The following FBXO31 variants were observed in gnomAD, a reference collection of about 807,000 sequenced individuals.
The protein encoded by FBXO31 is F-box only protein 31.
FBXO31 carries 24 observed loss-of-function variants against 54.4 expected under a neutral mutation model. The observed-to-expected ratio is 0.44, with a 90% CI of 0.32 to 0.62. The LOEUF (loss-of-function observed/expected upper bound fraction) is 0.62, where lower values mean the gene tolerates loss of function less well. Ranked by LOEUF, FBXO31 falls within the 20% of genes least tolerant of loss-of-function variation. The pLI is 0.05. For synonymous variants in FBXO31, 388 were observed against 335.6 expected, an observed-to-expected ratio of 1.16 and a Z score of -1.71; for missense variants, 665 against 787.1, an observed-to-expected ratio of 0.84 and a Z score of 1.86.
intron 2 of FBXO31, among the ~76,000 whole-genome samples, chr16:87,355,641 C>CA (rs1186087358): frequency 6.6e-6 from 1 of 152,186 alleles, no homozygotes; most frequent in Non-Finnish European, 1.5e-5. Flanking sequence ...TCAGCATGAA[C>CA]AACAGTATGT....
chr16:87,360,945 C>A (rs1214183002), intron 1 of FBXO31, among the ~76,000 whole-genome samples: 1 of 152,244 alleles, frequency 6.6e-6, no homozygotes, highest in Non-Finnish European at 1.5e-5. Context: ...TCCTCACACC[C>A]TCACCTGCTG....
At chr16:87,360,194 CAA>C (rs1906071992) in intron 2 of FBXO31, 99 bp downstream of exon 2, 24 of 1,152,172 alleles carry the variant, frequency 2.1e-5, no homozygotes, top group African/African-American at 3.0e-5. Flanking sequence ...TCTGAGAAAA[CAA>C]AAGTGTGGAC....
At chr16:87,361,029 C>A (rs376572462) in intron 1 of FBXO31, among the ~76,000 whole-genome samples, 3 of 152,330 alleles carry the variant, frequency 2.0e-5, no homozygotes, top group East Asian at 3.9e-4. Flanking sequence ...ACACCCAGCA[C>A]GTCCCAAGCA....
In FBXO31 at chr16:87,327,461, C is replaced by G. The variant is rs1349902680; in HGVS notation, c.*3827G>C. 6.6e-6 allele frequency: 1 copy of G among 152,422 alleles called. No homozygotes were observed. The highest frequency in any genetic ancestry group is 1.9e-4 in the East Asian group (1 of 5,194). The allele number at this position is 152,422 out of a possible 1,614,324, so 9.4% of individuals were successfully genotyped here. A position where few individuals can be genotyped will look rare whatever the true frequency, so the allele number is the denominator to read the frequency against. On this transcript the variant is annotated 3_prime_UTR_variant, in exon 9 of 9. Coordinates refer to ENST00000311635, the MANE Select transcript of FBXO31 (RefSeq NM_024735.5). Reference sequence around the variant, plus strand: ...TCACCTGAGATCGGGAGTTCGAGACCAACCTGAGCAACATGGCAAAACTCC... The same window carrying G: ...TCACCTGAGATCGGGAGTTCGAGACGAACCTGAGCAACATGGCAAAACTCC...
chr16:87,388,776 ATAGGG>A (rs1907412284), intron 1 of FBXO31: 1 of 152,230 alleles, frequency 6.6e-6, no homozygotes, highest in South Asian at 2.1e-4. Context: ...GAAAAAAGGA[ATAGGG>A]TGCCACTGCT....
intron 1 of FBXO31, among the ~76,000 whole-genome samples, chr16:87,370,177 C>T (rs1040272561): frequency 1.1e-4 from 17 of 152,330 alleles, no homozygotes; most frequent in African/African-American, 4.1e-4. Context: ...CTCTCAGGGG[C>T]CCGGGGAAGA....
chr16:87,369,451 G>A (rs1305347629), intron 1 of FBXO31, among the ~76,000 whole-genome samples: 1 of 152,162 alleles, frequency 6.6e-6, no homozygotes, highest in Non-Finnish European at 1.5e-5. Context: ...TTGTCCTTTG[G>A]TGACAGTTTA....
chr16:87,362,040 C>A (rs150731624), intron 1 of FBXO31, among the ~76,000 whole-genome samples: 1 of 149,748 alleles, frequency 6.7e-6, no homozygotes, highest in Non-Finnish European at 1.5e-5. Flanking sequence ...AGCGAGGAGA[C>A]GCATTTTAGT....
intron 8 of FBXO31, among the ~76,000 whole-genome samples, chr16:87,331,761 G>A (rs1051157750): frequency 2.4e-4 from 37 of 152,228 alleles, no homozygotes; most frequent in African/African-American, 8.7e-4. Flanking sequence ...CAGAGCTCGG[G>A]GCTGCTCGGG....
In FBXO31 at chr16:87,345,791, C is replaced by T. The variant is rs546251863; in HGVS notation, c.489+1383G>A. On this transcript the variant is annotated intron_variant, in intron 3 of 8. Coordinates refer to ENST00000311635, the MANE Select transcript of FBXO31 (RefSeq NM_024735.5). The surrounding 1 kb of genome is among the most constrained non-coding windows in gnomAD (Gnocchi z 4.9). ...AGGCGAGGGGCAGGGCCTTCTCCCCCCTTCCTGAGGCCACTGACCACTGGC... is the reference window on the plus strand; with the variant it reads ...AGGCGAGGGGCAGGGCCTTCTCCCCTCTTCCTGAGGCCACTGACCACTGGC... Among the ~76,000 whole-genome samples the T allele has an allele frequency of 2.6e-5, 4 of 152,210 alleles. No individual in the cohort carries two copies. Among genetic ancestry groups the T allele is most frequent in the Admixed American group, 1.3e-4 (2 of 15,284 alleles).
At chr16:87,341,171 T>C (rs980603703) in intron 5 of FBXO31, among the ~76,000 whole-genome samples, 6 of 152,224 alleles carry the variant, frequency 3.9e-5, no homozygotes, top group Non-Finnish European at 8.8e-5. Flanking sequence ...CACATGTTGT[T>C]ATATTTACAA....
At chr16:87,376,084 T>C (rs2150696288) in intron 1 of FBXO31, among the ~76,000 whole-genome samples, 1 of 152,228 alleles carries the variant, frequency 6.6e-6, no homozygotes, top group African/African-American at 2.4e-5. Context: ...GTATTCCCCC[T>C]GCCCTCCACT....
At chr16:87,365,077 A>C (rs1422450548) in intron 1 of FBXO31, among the ~76,000 whole-genome samples, 1 of 130,498 alleles carries the variant, frequency 7.7e-6, no homozygotes, top group African/African-American at 2.9e-5. Context: ...ATTTTCTGTG[A>C]GGATATAAAG....
intron 1 of FBXO31, among the ~76,000 whole-genome samples, chr16:87,381,273 T>C (rs1483678196): frequency 2.0e-5 from 3 of 151,840 alleles, no homozygotes; most frequent in Non-Finnish European, 4.4e-5. Flanking sequence ...AAGACAAAAA[T>C]AGACATCTTA....
At chr16:87,351,948 C>A (rs1178090435) in intron 2 of FBXO31, among the ~76,000 whole-genome samples, 2 of 152,164 alleles carry the variant, frequency 1.3e-5, no homozygotes, top group African/African-American at 4.8e-5. Context: ...TCCACCCTGA[C>A]TGCGCGTCAG....
Position 87,330,977 on chromosome 16 carries a change from A to G in FBXO31, c.*311T>C, listed in dbSNP as rs571225233. 14 of 308,242 alleles carry G rather than the reference A, an allele frequency of 4.5e-5. No individual in the cohort carries two copies. The highest frequency in any genetic ancestry group is 1.7e-4 in the African/African-American group (8 of 46,356). The allele number at this position is 308,242 out of a possible 1,614,324, so 19.1% of individuals were successfully genotyped here. A position where few individuals can be genotyped will look rare whatever the true frequency, so the allele number is the denominator to read the frequency against. ...TCCCGAGAAAACCACCAGCCAGCCC[A>G]GGGTGCGGGAACCCCACCGCTTCAA... On this transcript the variant is annotated 3_prime_UTR_variant, in exon 9 of 9. Coordinates refer to ENST00000311635, the MANE Select transcript of FBXO31 (RefSeq NM_024735.5).
chr16:87,386,154 G>A (rs1331304262), upstream of FBXO31: 1 of 152,278 alleles, frequency 6.6e-6, no homozygotes, highest in Non-Finnish European at 1.5e-5. Flanking sequence ...GACCTCAGGA[G>A]GCCTGAGGGA....
intron 1 of FBXO31, among the ~76,000 whole-genome samples, chr16:87,389,178 C>A (rs915432573): frequency 6.6e-6 from 1 of 151,772 alleles, no homozygotes; most frequent in African/African-American, 2.4e-5. Flanking sequence ...TATTATTTAA[C>A]TAAATGTGTT....
Position 87,335,541 on chromosome 16 carries a change from GC to G in FBXO31, c.843-85del. The G allele has an allele frequency of 8.8e-7, 1 of 1,136,196 alleles. No individual in the cohort carries two copies. The highest frequency in any genetic ancestry group is 1.2e-6 in the Non-Finnish European group (1 of 805,476). 70.4% of individuals were successfully genotyped at this position (1,136,196 alleles called of 1,614,324 possible). On this transcript the variant is annotated intron_variant, in intron 6 of 8. Coordinates refer to ENST00000311635, the MANE Select transcript of FBXO31 (RefSeq NM_024735.5). The surrounding 1 kb of genome is among the most constrained non-coding windows in gnomAD (Gnocchi z 5.7). ...GCCCAAGGTGCCAGGGATGAGCTTT[GC>G]AGGGCGGGGTAGGGCGGGCAGCTCA...
Sources: allele counts gnomAD v4.1 joint callset (sites outside exome capture counted in the v4.1 genomes callset), GRCh38; gene constraint gnomAD v4.1.1; non-coding constraint Gnocchi (gnomAD v3.1); transcripts MANE v1.5; gene names NCBI Gene and HGNC (gene_info 2026-07-23, HGNC 2026-07-21).